PDE4D: variants seen among roughly 807,000 people sequenced by gnomAD.
PDE4D encodes 3',5'-cyclic-AMP phosphodiesterase 4D.
Under a neutral mutation model 87.4 loss-of-function variants are expected in PDE4D, and 24 were observed. The observed-to-expected ratio is 0.27, with a 90% CI of 0.20 to 0.39. PDE4D has a LOEUF of 0.39. Among genes scored for constraint, PDE4D ranks in the 10% least tolerant of loss-of-function variants. The pLI, the probability that PDE4D is intolerant of heterozygous loss-of-function variation, is 1.00. For synonymous variants in PDE4D, 384 were observed against 383.2 expected, an observed-to-expected ratio of 1.00 and a Z score of -0.02; for missense variants, 714 against 1,041.0, an observed-to-expected ratio of 0.69 and a Z score of 4.32.
exon 3 of PDE4D, chr5:59,988,568 T>C: frequency 6.3e-7 from 1 of 1,599,460 alleles, no homozygotes; most frequent in Non-Finnish European, 8.5e-7. Context: ...TGTTCTCTGA[T>C]TCACTTTTCA....
rs1045015219 is a variant in PDE4D at position 58,969,142 on chromosome 5, A to C, written c.*5522T>G. 3 of 152,240 alleles carry C rather than the reference A, an allele frequency of 2.0e-5. No homozygotes were observed. Among genetic ancestry groups the C allele is most frequent in the Non-Finnish European group, 4.4e-5 (3 of 68,048 alleles). 9.4% of individuals were successfully genotyped at this position (152,240 alleles called of 1,614,324 possible). A position where few individuals can be genotyped will look rare whatever the true frequency, so the allele number is the denominator to read the frequency against. ...TGGCTATATTCAACACATATTAAGA[A>C]CCTACTGTGTACCAGGCATAGTTTT... is the stretch of plus-strand genomic sequence containing the variant. On this transcript the variant is annotated 3_prime_UTR_variant, in exon 15 of 15. Coordinates refer to ENST00000340635, the MANE Select transcript of PDE4D (RefSeq NM_001104631.2).
chr5:60,467,577 CA>C (rs1747458366), intron 1 of PDE4D, among the ~76,000 whole-genome samples: 1 of 152,176 alleles, frequency 6.6e-6, no homozygotes, highest in South Asian at 2.1e-4. Context: ...GCCATGCTTA[CA>C]CTGGCCCAAT....
chr5:59,668,807 G>A (rs1377453333), intron 1 of PDE4D, among the ~76,000 whole-genome samples: 17 of 67,704 alleles, frequency 2.5e-4, no homozygotes, highest in African/African-American at 1.2e-3. Context: ...GAAGAAGAAA[G>A]AAGAAGAAGA....
chr5:59,623,904 A>G (rs1254470864), intron 1 of PDE4D, among the ~76,000 whole-genome samples: 1 of 152,214 alleles, frequency 6.6e-6, no homozygotes. Flanking sequence ...ATAGTAAAAA[A>G]TAGCTAACAT....
intron 1 of PDE4D, among the ~76,000 whole-genome samples, chr5:59,462,963 A>C (rs1003557375): frequency 4.6e-5 from 7 of 152,116 alleles, no homozygotes; most frequent in Non-Finnish European, 1.0e-4. Context: ...TAAACTTCAT[A>C]CTGAGAGACC....
intron 1 of PDE4D, among the ~76,000 whole-genome samples, chr5:59,507,664 CA>C (rs1284106865): frequency 7.1e-4 from 57 of 79,816 alleles, no homozygotes; most frequent in South Asian, 6.3e-3. Flanking sequence ...TACCCTGTCT[CA>C]AAAAAAAAAA....
At chr5:59,041,193 T>G (rs1759628768) in intron 5 of PDE4D, among the ~76,000 whole-genome samples, 2 of 152,118 alleles carry the variant, frequency 1.3e-5, no homozygotes, top group African/African-American at 2.4e-5. Context: ...TTTTAAATGG[T>G]AAATATAAAA....
chr5:60,141,287 C>T (rs1289362755), intron 2 of PDE4D, among the ~76,000 whole-genome samples: 1 of 152,108 alleles, frequency 6.6e-6, no homozygotes, highest in East Asian at 1.9e-4. Context: ...AGTAGGCTGT[C>T]TTGAATGACG....
chr5:59,433,279 T>C (rs1214392471), intron 1 of PDE4D, among the ~76,000 whole-genome samples: 1 of 152,090 alleles, frequency 6.6e-6, no homozygotes, highest in Admixed American at 6.6e-5. Context: ...TGGGTAAAAT[T>C]CCAGAGTTTT....
intron 2 of PDE4D, chr5:59,215,552 CGTGTGT>C (rs10693866): frequency 0.019 from 6,838 of 363,018 alleles, 19 homozygotes; most frequent in African/African-American, 0.032. Context: ...TAAATACATG[CGTGTGT>C]GTGTGTGTGT....
chr5:59,320,996 G>GGTT lies in PDE4D; in HGVS notation c.456-105031_456-105029dup, dbSNP rs1774629209. ...TTTAAAGTATTCAATTTCTAAAGTC[G>GGTT]GTTGCTCTAAAGACCCATCCTTGGA... On this transcript the variant is annotated intron_variant, in intron 1 of 14. Transcript: ENST00000340635. Among the ~76,000 whole-genome samples the GGTT allele has an allele frequency of 2.0e-5, 3 of 151,938 alleles. No individual in the cohort carries two copies. In the East Asian group the frequency reaches 5.8e-4, roughly 29 times the overall value.
intron 1 of PDE4D, among the ~76,000 whole-genome samples, chr5:60,372,004 A>G (rs1025662411): frequency 6.6e-6 from 1 of 152,194 alleles, no homozygotes; most frequent in African/African-American, 2.4e-5. Flanking sequence ...GCTAGGCTAT[A>G]GGATATTACA....
intron 3 of PDE4D, among the ~76,000 whole-genome samples, chr5:59,942,082 G>A (rs189149449): frequency 7.2e-5 from 11 of 152,204 alleles, no homozygotes; most frequent in African/African-American, 2.7e-4. Context: ...CTTGGAAGGG[G>A]GTGAGAGGGA....
At chr5:58,996,175 C>T (rs545740480) in intron 6 of PDE4D, among the ~76,000 whole-genome samples, 4 of 152,206 alleles carry the variant, frequency 2.6e-5, no homozygotes, top group South Asian at 4.1e-4. Flanking sequence ...AGGCAAAATA[C>T]CTAATGTAGA....
chr5:59,338,066 G>A (rs887587608), intron 1 of PDE4D, among the ~76,000 whole-genome samples: 4 of 152,184 alleles, frequency 2.6e-5, no homozygotes, highest in Admixed American at 1.3e-4. Flanking sequence ...ATGGTTTTAT[G>A]TAAATGTCAA....
intron 3 of PDE4D, among the ~76,000 whole-genome samples, chr5:59,946,140 T>C (rs142076353): frequency 2.8e-4 from 43 of 152,286 alleles, no homozygotes; most frequent in Admixed American, 1.0e-3. Flanking sequence ...CATACTGGGC[T>C]TGGGGGCAGT....
intron 1 of PDE4D, among the ~76,000 whole-genome samples, chr5:60,221,963 G>T (rs1744542452): frequency 6.6e-6 from 1 of 152,032 alleles, no homozygotes; most frequent in Middle Eastern, 3.2e-3. Flanking sequence ...TACCTGTGTG[G>T]TAGCCAGACT....
chr5:60,034,449 C>T (rs1247828394), intron 2 of PDE4D, among the ~76,000 whole-genome samples: 1 of 152,154 alleles, frequency 6.6e-6, no homozygotes, highest in African/African-American at 2.4e-5. Context: ...TGCGGCTTCA[C>T]ACCAATTTCT....
At chr5:60,402,034 A>G (rs1005088275) in intron 1 of PDE4D, among the ~76,000 whole-genome samples, 1 of 152,204 alleles carries the variant, frequency 6.6e-6, no homozygotes, top group Non-Finnish European at 1.5e-5. Flanking sequence ...AAAAGATCCA[A>G]CATAAAACTT....
Sources: allele counts gnomAD v4.1 joint callset (sites outside exome capture counted in the v4.1 genomes callset), GRCh38; gene constraint gnomAD v4.1.1; transcripts MANE v1.5; gene names NCBI Gene and HGNC (gene_info 2026-07-23, HGNC 2026-07-21).